Variants in EAPP observed in about 807,000 individuals in gnomAD.
EAPP encodes E2F associated phosphoprotein.
A neutral mutation model predicts 34.3 loss-of-function variants in EAPP; 38 were observed. The ratio of observed to expected loss-of-function variants is 1.11; its 90% CI spans 0.85 to 1.45. The LOEUF is 1.45. Among genes scored for constraint, EAPP ranks in the 40% most tolerant of loss-of-function variants. The probability of loss-of-function intolerance (pLI) is 0.00; values close to 1 mark genes in which losing one functional copy is unlikely to be tolerated. For missense variants in EAPP, 338 were observed against 343.7 expected (o/e 0.98, Z 0.13); for synonymous variants, 113 against 117.6 (o/e 0.96, Z 0.25).
chr14:34,522,782 G>C (rs1879960841), intron 5 of EAPP, among the ~76,000 whole-genome samples: 1 of 152,106 alleles, frequency 6.6e-6, no homozygotes, highest in African/African-American at 2.4e-5. Context: ...TGCTGGCTAG[G>C]GGTTCACACT....
intron 4 of EAPP, among the ~76,000 whole-genome samples, chr14:34,525,762 G>A (rs1475523713): frequency 2.0e-5 from 3 of 152,218 alleles, no homozygotes; most frequent in Admixed American, 6.5e-5. Context: ...GCTCACGCCT[G>A]TAATCCCAGC....
At chr14:34,534,602 T>C (rs1566450950) in intron 2 of EAPP, among the ~76,000 whole-genome samples, 1 of 152,192 alleles carries the variant, frequency 6.6e-6, no homozygotes, top group Non-Finnish European at 1.5e-5. Context: ...AATACTTTTG[T>C]AAGTTTGTGT....
intron 1 of EAPP, among the ~76,000 whole-genome samples, chr14:34,538,256 G>A (rs1435003872): frequency 6.6e-6 from 1 of 152,134 alleles, no homozygotes; most frequent in Non-Finnish European, 1.5e-5. Flanking sequence ...GCGCATGCCT[G>A]TAATCCCAGC....
chr14:34,539,670 G>T lies in EAPP; in HGVS notation c.-42C>A. On this transcript the variant is annotated 5_prime_UTR_variant, in exon 1 of 6. It adds an upstream start codon to the 5' untranslated region. Coordinates refer to ENST00000250454, the MANE Select transcript of EAPP (RefSeq NM_018453.4). Reference sequence around the variant, plus strand: ...CTACACCGTCCACAAGCAATTTGCAGCGTCTCTGTTTACACTGCAAGTCCA... The same window carrying T: ...CTACACCGTCCACAAGCAATTTGCATCGTCTCTGTTTACACTGCAAGTCCA... 2 of 1,507,848 alleles carry T rather than the reference G, an allele frequency of 1.3e-6. No individual in the cohort carries two copies. Among genetic ancestry groups the T allele is most frequent in the South Asian group, 2.6e-5 (2 of 77,472 alleles). The allele number at this position is 1,507,848 out of a possible 1,614,324, so 93.4% of individuals were successfully genotyped here. A position where few individuals can be genotyped will look rare whatever the true frequency, so the allele number is the denominator to read the frequency against.
At chr14:34,536,440 T>A in intron 1 of EAPP, 165 bp from the exon 2 acceptor site, 2 of 435,732 alleles carry the variant, frequency 4.6e-6, no homozygotes, top group Non-Finnish European at 7.8e-6. Context: ...CAGTTCTGCA[T>A]ATTTCCAATC....
chr14:34,537,830 GGA>G (rs1880525708), intron 1 of EAPP, among the ~76,000 whole-genome samples: 1 of 152,150 alleles, frequency 6.6e-6, no homozygotes, highest in Non-Finnish European at 1.5e-5. Flanking sequence ...CTTTGACCCA[GGA>G]GTCTCATGTC....
At chr14:34,527,094 T>C (rs1010420585) in intron 4 of EAPP, among the ~76,000 whole-genome samples, 6 of 137,892 alleles carry the variant, frequency 4.4e-5, no homozygotes, top group African/African-American at 1.6e-4. Flanking sequence ...CGCTTGAACC[T>C]GGGAGGAGGA....
chr14:34,528,923 T>C (rs1880184806), intron 4 of EAPP, among the ~76,000 whole-genome samples: 1 of 150,834 alleles, frequency 6.6e-6, no homozygotes, highest in African/African-American at 2.4e-5. Context: ...AATCACGAGG[T>C]CAGGGGTTCG....
chr14:34,517,248 C>CTT (rs34165039), intron 5 of EAPP, among the ~76,000 whole-genome samples: 5 of 127,346 alleles, frequency 3.9e-5, no homozygotes, highest in African/African-American at 1.5e-4. Context: ...GATTCTATTT[C>CTT]TTTTTTTTTT....
At chr14:34,528,930 T>C (rs1880185021) in intron 4 of EAPP, among the ~76,000 whole-genome samples, 1 of 150,378 alleles carries the variant, frequency 6.6e-6, no homozygotes, top group African/African-American at 2.4e-5. Context: ...AGGTCAGGGG[T>C]TCGAGACCAG....
intron 5 of EAPP, among the ~76,000 whole-genome samples, chr14:34,521,090 C>A (rs1255839994): frequency 6.6e-6 from 1 of 151,874 alleles, no homozygotes. Context: ...ATTTTTGAGA[C>A]CAAGTTTTGC....
At chr14:34,533,591 G>A (rs1321502018) in intron 2 of EAPP, 52 bp from the exon 3 acceptor site, 7 of 1,195,190 alleles carry the variant, frequency 5.9e-6, no homozygotes, top group East Asian at 2.5e-5. Flanking sequence ...TAATTCACAA[G>A]GCAAAAAACT....
At chr14:34,524,951 TC>T (rs1046514710) in intron 4 of EAPP, 144 bp from the exon 5 acceptor site, 1 of 617,652 alleles carries the variant, frequency 1.6e-6, no homozygotes, top group African/African-American at 1.9e-5. Flanking sequence ...ACCTGGAGCA[TC>T]TTTTAGTGCC....
chr14:34,536,206 A>G lies in EAPP; in HGVS notation c.144T>C (p.Cys48=). The G allele has an allele frequency of 5.0e-6, 8 of 1,612,938 alleles. No homozygotes were observed. The highest frequency in any genetic ancestry group is 6.8e-6 in the Non-Finnish European group (8 of 1,179,654). ...TAGATGATTCACTTTCTCCGGTAAG[A>G]CATTCTCTGATGAGTTTTCGTTTTT... ...PDQKRKLIRE[C]LTGESESSSE... is the part of the protein sequence containing the mutation. The change falls in exon 2 of 6, where the codon TGT becomes TGC. Residue 48 remains cysteine (C), a synonymous_variant. Transcript: ENST00000250454.
In EAPP at chr14:34,539,454, C is replaced by T. The variant is rs775659597; in HGVS notation, c.74+101G>A. The T allele has an allele frequency of 2.3e-6, 3 of 1,306,348 alleles. No individual in the cohort carries two copies. The South Asian group carries it at 3.6e-5, about 16-fold the overall frequency. 80.9% of individuals were successfully genotyped at this position (1,306,348 alleles called of 1,614,324 possible). ...GTAACAGGCACGACAGGCTCCCGAG[C>T]CGCTAGGGTCTGCGTAGGCTCGGCA... On this transcript the variant is annotated intron_variant, in intron 1 of 5. Coordinates refer to ENST00000250454, the MANE Select transcript of EAPP (RefSeq NM_018453.4).
At position 34,524,653 on chromosome 14, in the gene EAPP, A is replaced by ATGTGTGTGTGTGTG. The variant is rs111420332; in HGVS notation, c.581+43_581+44insCACACACACACACA. The ATGTGTGTGTGTGTG allele has an allele frequency of 3.9e-3, 3,423 of 874,368 alleles. 32 individuals are homozygous for ATGTGTGTGTGTGTG. The highest frequency in any genetic ancestry group is 4.1e-3 in the Non-Finnish European group (2,340 of 572,730). The allele number at this position is 874,368 out of a possible 1,614,324, so 54.2% of individuals were successfully genotyped here. ...AGTCTGTTTCTAATTTAAACAAAATATGTATGTGTGTGTGTGTGTGTGTGT... is the reference window on the plus strand; with the variant it reads ...AGTCTGTTTCTAATTTAAACAAAATATGTGTGTGTGTGTGTGTATGTGTGTGTGTGTGTGTGTGT... On this transcript the variant is annotated intron_variant, in intron 5 of 5. Coordinates refer to ENST00000250454, the MANE Select transcript of EAPP (RefSeq NM_018453.4).
Position 34,516,239 on chromosome 14 carries a change from G to A in EAPP, c.*71C>T. 2 of 1,424,450 alleles carry A rather than the reference G, an allele frequency of 1.4e-6. No individual in the cohort carries two copies. The highest frequency in any genetic ancestry group is 2.3e-5 in the East Asian group (1 of 43,728). 88.2% of individuals were successfully genotyped at this position (1,424,450 alleles called of 1,614,324 possible). ...TCAATGTCACTGAAGGATATGAACA[G>A]GCAAGAGGAAAGTAACTGTCCATAT... On this transcript the variant is annotated 3_prime_UTR_variant, in exon 6 of 6. Transcript: ENST00000250454.
intron 4 of EAPP, among the ~76,000 whole-genome samples, chr14:34,527,606 A>G (rs28769357): frequency 0.34 from 52,074 of 152,150 alleles, 9,227 homozygotes; most frequent in Non-Finnish European, 0.4. Context: ...TACACATACA[A>G]TGGGATACTA....
At position 34,529,372 on chromosome 14, in the gene EAPP, A is replaced by C; in HGVS notation, c.456T>G (p.Asp152Glu). 1 of 1,608,422 alleles carries C rather than the reference A, an allele frequency of 6.2e-7. No homozygotes were observed. Among genetic ancestry groups the C allele is most frequent in the Non-Finnish European group, 8.5e-7 (1 of 1,176,544 alleles). Residue 152 changes from aspartate to glutamate, a missense_variant, in exon 4 of 6, where the codon GAT becomes GAG. Physicochemically the swap from Asp to Glu is conservative, Grantham distance 45. Transcript: ENST00000250454. Reference protein sequence around the residue: ...EKDNRDQAWVDAQRRGYHGLG... With the variant: ...EKDNRDQAWVEAQRRGYHGLG... ...TAAGTTCTTACCCCCTTCTCTGTGC[A>C]TCAACCCAGGCCTGATCTCTGTTAT...
Sources: gnomAD v4.1 joint callset for allele counts (sites outside exome capture counted in the v4.1 genomes callset) on GRCh38, gnomAD v4.1.1 for gene constraint, MANE v1.5 for transcripts, NCBI Gene and HGNC (gene_info 2026-07-23, HGNC 2026-07-21) for gene names.